TIE1: variants seen among roughly 807,000 people sequenced by gnomAD.
The protein encoded by TIE1 is tyrosine kinase with immunoglobulin like and EGF like domains 1, also known as tyrosine-protein kinase receptor Tie-1.
A neutral mutation model predicts 130.5 loss-of-function variants in TIE1; 89 were observed. The observed-to-expected ratio is 0.68, with a 90% confidence interval of 0.57 to 0.81. TIE1 has a LOEUF of 0.81. Among genes scored for constraint, TIE1 ranks in the 40% least tolerant of loss-of-function variants. The pLI is 0.00. For missense variants in TIE1, 1,392 were observed against 1,559.8 expected (o/e 0.89, Z 1.81); for synonymous variants, 568 against 629.4 (o/e 0.90, Z 1.46).
At chr1:43,304,008 A>G (rs746735286) in intron 1 of TIE1, among the ~76,000 whole-genome samples, 13 of 152,102 alleles carry the variant, frequency 8.5e-5, no homozygotes, top group Non-Finnish European at 1.5e-5. Flanking sequence ...ACCAAGACCT[A>G]CCTCGTGTCT....
At chr1:43,305,486 A>C in intron 3 of TIE1, 143 bp downstream of exon 3, 1 of 735,572 alleles carries the variant, frequency 1.4e-6, no homozygotes, top group African/African-American at 1.8e-5. Flanking sequence ...ACCAGGTCCC[A>C]TGGGATGTGC....
intron 19 of TIE1, chr1:43,320,270 CTTG>C (rs1402792219): frequency 1.3e-5 from 2 of 152,538 alleles, no homozygotes; most frequent in Non-Finnish European, 2.9e-5. Context: ...GCTGTATGGC[CTTG>C]GGCAATCTAG....
In TIE1 at chr1:43,323,104, C is replaced by T. The variant is rs1405317876; in HGVS notation, c.*382C>T. 1 of 181,580 alleles carries T rather than the reference C, an allele frequency of 5.5e-6. No individual in the cohort carries two copies. Among genetic ancestry groups the T allele is most frequent in the Non-Finnish European group, 1.2e-5 (1 of 86,132 alleles). 11.2% of individuals were successfully genotyped at this position (181,580 alleles called of 1,614,324 possible). On this transcript the variant is annotated 3_prime_UTR_variant, in exon 23 of 23. Coordinates refer to ENST00000372476, the MANE Select transcript of TIE1 (RefSeq NM_005424.5). ...AGAAAAAAATAAATGTTCTAATAAG[C>T]TCCATTCAATGTCTACCTTTTACTG... is the stretch of plus-strand genomic sequence containing the variant.
rs1646865499 is a variant in TIE1 at position 43,317,138 on chromosome 1, C to T, written c.2410-61C>T. On this transcript the variant is annotated intron_variant, in intron 14 of 22. Transcript: ENST00000372476. The surrounding 1 kb of genome is among the most constrained non-coding windows in gnomAD (Gnocchi z 5.1). ...AACCTCCTCGTGTGCCTGTCTGTGC[C>T]TCCTTCCGCCCCCTTTGACTCTTGC... The T allele has an allele frequency of 1.3e-6, 2 of 1,569,874 alleles. No homozygotes were observed. Among genetic ancestry groups the T allele is most frequent in the Admixed American group, 3.3e-5 (2 of 59,976 alleles).
Position 43,308,847 on chromosome 1 carries a change from A to C in TIE1, c.1043-139A>C, listed in dbSNP as rs1452877181. ...GTGGGGCTGGGACGCTGGAGGAGTC[A>C]TGCGGGCCTTTGCTGGTTTTCAGGC... On this transcript the variant is annotated intron_variant, in intron 7 of 22. Transcript: ENST00000372476. 6 of 1,133,884 alleles carry C rather than the reference A, an allele frequency of 5.3e-6. No individual in the cohort carries two copies. The African/African-American group carries it at 7.6e-5, about 14-fold the overall frequency. The allele number at this position is 1,133,884 out of a possible 1,614,324, so 70.2% of individuals were successfully genotyped here. A position where few individuals can be genotyped will look rare whatever the true frequency, so the allele number is the denominator to read the frequency against.
In TIE1 at chr1:43,309,886, C is replaced by T. The variant is rs1646771463; in HGVS notation, c.1333+354C>T. Among the ~76,000 whole-genome samples the T allele has an allele frequency of 6.6e-6, 1 of 152,164 alleles. No homozygotes were observed. The highest frequency in any genetic ancestry group is 2.1e-4 in the South Asian group (1 of 4,830). On this transcript the variant is annotated intron_variant, in intron 9 of 22. Coordinates refer to ENST00000372476, the MANE Select transcript of TIE1 (RefSeq NM_005424.5). The surrounding 1 kb of genome is among the most constrained non-coding windows in gnomAD (Gnocchi z 6.3). ...TGCCTCCCATCTCTGAGTCACCCCA[C>T]AGACACTCAGTGCTAGCCCAGGGGA...
chr1:43,301,646 G>A (rs1646671471), intron 1 of TIE1, among the ~76,000 whole-genome samples: 1 of 151,776 alleles, frequency 6.6e-6, no homozygotes, highest in Non-Finnish European at 1.5e-5. Flanking sequence ...CCGAGCGGGT[G>A]GATCACAGGG....
At position 43,321,718 on chromosome 1, in the gene TIE1, G is replaced by A; in HGVS notation, c.3345+3G>A. ...GCCGCATGCTGGAAGCCAGGAAGGT[G>A]AGGAGACTGGGGCTGAGGTGGCGGG... On this transcript the variant is annotated splice_donor_region_variant and intron_variant, in intron 22 of 22. Coordinates refer to ENST00000372476, the MANE Select transcript of TIE1 (RefSeq NM_005424.5). 9 of 1,551,980 alleles carry A rather than the reference G, an allele frequency of 5.8e-6. No homozygotes were observed. The highest frequency in any genetic ancestry group is 7.0e-6 in the Non-Finnish European group (8 of 1,147,158).
rs1334037677 is a variant in TIE1 at position 43,317,410 on chromosome 1, G to T, written c.2620+1G>T. 1 of 1,613,890 alleles carries T rather than the reference G, an allele frequency of 6.2e-7. No homozygotes were observed. The highest frequency in any genetic ancestry group is 1.3e-5 in the African/African-American group (1 of 74,854). On this transcript the variant is annotated splice_donor_variant, in intron 15 of 22. Transcript: ENST00000372476. LOFTEE classifies it high-confidence loss of function. The surrounding 1 kb of genome is among the most constrained non-coding windows in gnomAD (Gnocchi z 5.1). Reference sequence around the variant, plus strand: ...AACGCAGCCATCAAAATGCTGAAAGGTCCACTGGGGCGACCCCTGGCCCAG... The same window carrying T: ...AACGCAGCCATCAAAATGCTGAAAGTTCCACTGGGGCGACCCCTGGCCCAG...
chr1:43,317,500 C>T lies in TIE1; in HGVS notation c.2621-64C>T. On this transcript the variant is annotated intron_variant, in intron 15 of 22. Coordinates refer to ENST00000372476, the MANE Select transcript of TIE1 (RefSeq NM_005424.5). The surrounding 1 kb of genome is among the most constrained non-coding windows in gnomAD (Gnocchi z 5.1). ...CCTGGCTTCCTCCAGCAATTGACCC[C>T]AGCCCTTGCCAGCCCTTTCTCCAGA... 1 of 1,604,680 alleles carries T rather than the reference C, an allele frequency of 6.2e-7. No individual in the cohort carries two copies.
chr1:43,317,464 C>T lies in TIE1; in HGVS notation c.2620+55C>T. On this transcript the variant is annotated intron_variant, in intron 15 of 22. Coordinates refer to ENST00000372476, the MANE Select transcript of TIE1 (RefSeq NM_005424.5). The surrounding 1 kb of genome is among the most constrained non-coding windows in gnomAD (Gnocchi z 5.1). Reference sequence around the variant, plus strand: ...TGATGCTCTCCTTTGTCCCACAAATCCCAGGCCCCACCTGGCTTCCTCCAG... The same window carrying T: ...TGATGCTCTCCTTTGTCCCACAAATTCCAGGCCCCACCTGGCTTCCTCCAG... 6.2e-7 allele frequency: 1 copy of T among 1,611,592 alleles called. No individual in the cohort carries two copies. The highest frequency in any genetic ancestry group is 1.1e-5 in the South Asian group (1 of 91,004).
In TIE1 at chr1:43,312,546, C is replaced by G; in HGVS notation, c.1872C>G (p.His624Gln). ...THYQLDVQLYHCTLLGPASPP... is the reference protein window; with the variant it reads ...THYQLDVQLYQCTLLGPASPP... ...ACCAGCTGGATGTGCAGCTCTACCA[C>G]TGCACCCTCCTGGGCCCGGCCTCGC... Residue 624 changes from histidine to glutamine, a missense_variant, in exon 12 of 23, where the codon CAC (histidine) becomes CAG (glutamine). Around this residue, in one of 6 missense-constraint regions of TIE1, gnomAD observed 551 missense variants for 565.5 expected, o/e 0.97. Coordinates refer to ENST00000372476, the MANE Select transcript of TIE1 (RefSeq NM_005424.5). The surrounding 1 kb of genome is among the most constrained non-coding windows in gnomAD (Gnocchi z 5.6). The G allele has an allele frequency of 1.2e-5, 20 of 1,613,448 alleles. No homozygotes were observed. Among genetic ancestry groups the G allele is most frequent in the Non-Finnish European group, 1.7e-5 (20 of 1,179,844 alleles).
Position 43,309,510 on chromosome 1 carries a change from G to A in TIE1, c.1311G>A (p.Arg437=), listed in dbSNP as rs746396832. The A allele has an allele frequency of 7.5e-6, 12 of 1,594,040 alleles. No homozygotes were observed. The highest frequency in any genetic ancestry group is 1.3e-5 in the African/African-American group (1 of 74,100). Residue 437 remains arginine, a synonymous_variant, in exon 9 of 23, where the codon CGG becomes CGA. Transcript: ENST00000372476. The surrounding 1 kb of genome is among the most constrained non-coding windows in gnomAD (Gnocchi z 6.3). ...CCACATCTGGCGGCCAAGACAGCCG[G>A]CGCTTCAAGGTCAATGTGAAAGGTC... The part of the protein sequence containing the change: ...RVSTSGGQDS[R]RFKVNVKVPP...
At chr1:43,311,936 TG>T in intron 10 of TIE1, 57 bp from the exon 11 acceptor site, 1 of 1,563,488 alleles carries the variant, frequency 6.4e-7, no homozygotes, top group Non-Finnish European at 8.7e-7. Context: ...GAAGGGAGCA[TG>T]GCAGCTTCTA....
chr1:43,310,162 CCT>C (rs1461658955), intron 9 of TIE1, among the ~76,000 whole-genome samples: 2 of 152,066 alleles, frequency 1.3e-5, no homozygotes, highest in East Asian at 3.9e-4. Flanking sequence ...ATGTAAGCCC[CCT>C]CTCTCACCTT....
At position 43,309,617 on chromosome 1, in the gene TIE1, G is replaced by A; in HGVS notation, c.1333+85G>A. 6.8e-7 allele frequency: 1 copy of A among 1,463,758 alleles called. No homozygotes were observed. The highest frequency in any genetic ancestry group is 9.0e-7 in the Non-Finnish European group (1 of 1,105,240). The allele number at this position is 1,463,758 out of a possible 1,614,324, so 90.7% of individuals were successfully genotyped here. On this transcript the variant is annotated intron_variant, in intron 9 of 22. Transcript: ENST00000372476. This position sits in a 1 kb window ranked among gnomAD's most constrained non-coding sequence, Gnocchi z 6.3. The stretch of plus-strand genomic sequence containing the variant: ...GCTGCTCAGGCTGGAGATACTAGCA[G>A]GAAGGACAAGGACATCTAAGGTCAT...
rs555698913 is a variant in TIE1 at position 43,312,671 on chromosome 1, G to A, written c.1927+70G>A. On this transcript the variant is annotated intron_variant, in intron 12 of 22. Transcript: ENST00000372476. This position sits in a 1 kb window ranked among gnomAD's most constrained non-coding sequence, Gnocchi z 5.6. ...GGGACACAGGGACACATGAGACCTA[G>A]GAGACACGGGAGGCTGTAGGAGATT... The A allele has an allele frequency of 6.7e-7, 1 of 1,502,562 alleles. No homozygotes were observed. The highest frequency in any genetic ancestry group is 2.3e-5 in the East Asian group (1 of 43,888). 93.1% of individuals were successfully genotyped at this position (1,502,562 alleles called of 1,614,324 possible).
In TIE1 at chr1:43,316,489, A is replaced by C. The variant is rs1396740452; in HGVS notation, c.2410-710A>C. Among the ~76,000 whole-genome samples the C allele has an allele frequency of 1.3e-5, 2 of 152,122 alleles. No individual in the cohort carries two copies. The highest frequency in any genetic ancestry group is 2.9e-5 in the Non-Finnish European group (2 of 68,014). On this transcript the variant is annotated intron_variant, in intron 14 of 22. Coordinates refer to ENST00000372476, the MANE Select transcript of TIE1 (RefSeq NM_005424.5). The surrounding 1 kb of genome is among the most constrained non-coding windows in gnomAD (Gnocchi z 4.4). ...TCACTTATTTCCTTTTCCCACCATC[A>C]GCCCCACCCAGATGGCCTCCTCCTA... is the stretch of plus-strand genomic sequence containing the variant.
chr1:43,321,282 G>A lies in TIE1; in HGVS notation c.3121G>A (p.Val1041Ile). ...TTCTTATTTCAGCTGGTCCTTTGGA[G>A]TCCTTCTTTGGGAGATAGTGAGCCT... ...TTKSDVWSFG[V>I]LLWEIVSLGG... The change falls in exon 20 of 23, where the codon GTC becomes ATC. Residue 1041 changes from valine to isoleucine, a missense_variant. Val to Ile is a conservative substitution (Grantham distance 29). Coordinates refer to ENST00000372476, the MANE Select transcript of TIE1 (RefSeq NM_005424.5). The A allele has an allele frequency of 6.2e-7, 1 of 1,614,114 alleles. No homozygotes were observed. Among genetic ancestry groups the A allele is most frequent in the Non-Finnish European group, 8.5e-7 (1 of 1,180,022 alleles).
Sources: gnomAD v4.1 joint callset for allele counts (sites outside exome capture counted in the v4.1 genomes callset) on GRCh38, gnomAD v4.1.1 for gene constraint, gnomAD v4.1.1 regional missense constraint, Gnocchi (gnomAD v3.1) non-coding constraint, MANE v1.5 for transcripts, NCBI Gene and HGNC (gene_info 2026-07-23, HGNC 2026-07-21) for gene names.